RCAN2: variants seen among roughly 807,000 people sequenced by gnomAD.
The protein encoded by RCAN2 is calcipressin-2.
RCAN2 carries 9 observed loss-of-function variants against 23.6 expected under a neutral mutation model. The observed-to-expected ratio is 0.38, with a 90% CI of 0.23 to 0.67. The LOEUF is 0.67. Among genes scored for constraint, RCAN2 ranks in the 30% least tolerant of loss-of-function variants. The pLI, the probability that RCAN2 is intolerant of heterozygous loss-of-function variation, is 0.51. For missense variants in RCAN2, 273 were observed against 302.3 expected (o/e 0.90, Z 0.72); for synonymous variants, 109 against 115.7 (o/e 0.94, Z 0.37).
intron 2 of RCAN2, among the ~76,000 whole-genome samples, chr6:46,265,881 C>T (rs1767310382): frequency 6.6e-6 from 1 of 152,164 alleles, no homozygotes; most frequent in Admixed American, 6.5e-5. Flanking sequence ...ACTCTTGGTA[C>T]TCCTGTAGCA....
intron 2 of RCAN2, among the ~76,000 whole-genome samples, chr6:46,401,902 C>G (rs1292874309): frequency 6.6e-6 from 1 of 152,138 alleles, no homozygotes; most frequent in Non-Finnish European, 1.5e-5. Flanking sequence ...CAACAGGACA[C>G]TTGTGAAAGA....
intron 2 of RCAN2, among the ~76,000 whole-genome samples, chr6:46,368,614 C>T (rs1765241676): frequency 6.6e-6 from 1 of 152,174 alleles, no homozygotes; most frequent in Non-Finnish European, 1.5e-5. Flanking sequence ...CTACTGAATA[C>T]TGTAGGCAAT....
At chr6:46,473,934 A>C (rs1768637960) in intron 1 of RCAN2, among the ~76,000 whole-genome samples, 1 of 152,230 alleles carries the variant, frequency 6.6e-6, no homozygotes, top group African/African-American at 2.4e-5. Flanking sequence ...CATATTGAGA[A>C]GCTACTATGT....
At chr6:46,292,134 C>T (rs1028528220) in intron 2 of RCAN2, among the ~76,000 whole-genome samples, 1 of 152,138 alleles carries the variant, frequency 6.6e-6, no homozygotes, top group Non-Finnish European at 1.5e-5. Flanking sequence ...GTAACACCAA[C>T]CTCAGTTCTT....
At chr6:46,489,121 C>G (rs931585153) in intron 1 of RCAN2, among the ~76,000 whole-genome samples, 1 of 152,202 alleles carries the variant, frequency 6.6e-6, no homozygotes, top group Non-Finnish European at 1.5e-5. Flanking sequence ...TGAATGTGAC[C>G]TTTCTGCCAT....
At chr6:46,457,298 A>C (rs1768068726) in intron 1 of RCAN2, among the ~76,000 whole-genome samples, 1 of 152,242 alleles carries the variant, frequency 6.6e-6, no homozygotes. Context: ...AGTTCCAGGC[A>C]CTATTCTAAA....
intron 2 of RCAN2, among the ~76,000 whole-genome samples, chr6:46,369,969 G>C (rs1454347930): frequency 6.6e-6 from 1 of 152,128 alleles, no homozygotes; most frequent in Non-Finnish European, 1.5e-5. Flanking sequence ...GCAATCAGGA[G>C]GGCTTGGAGG....
intron 2 of RCAN2, among the ~76,000 whole-genome samples, chr6:46,437,243 GC>G (rs1416646190): frequency 1.3e-5 from 2 of 152,092 alleles, no homozygotes; most frequent in Non-Finnish European, 2.9e-5. Flanking sequence ...CCTTTTTAAT[GC>G]CCTGCCATCA....
intron 2 of RCAN2, among the ~76,000 whole-genome samples, chr6:46,276,976 T>C (rs1010659209): frequency 3.3e-5 from 5 of 152,334 alleles, no homozygotes; most frequent in Admixed American, 2.6e-4. Context: ...CTTAAGCAGA[T>C]ACCATCAGTA....
rs184805646 is a variant in RCAN2, at chr6:46,442,489, T to C, written c.225+14263A>G. ...AGTCACTTCCTTTCCCCAGGCAGTA[T>C]GCCTTAAGACTGCTTCTGCTCATTT... On this transcript the variant is annotated intron_variant, in intron 2 of 4. Coordinates refer to ENST00000371374, the MANE Select transcript of RCAN2 (RefSeq NM_001251974.2). 2.6e-5 allele frequency among the ~76,000 whole-genome samples: 4 copies of C among 152,338 alleles called. No homozygotes were observed. In the East Asian group the frequency reaches 7.7e-4, roughly 29 times the overall value.
At chr6:46,335,943 C>T (rs1160849982) in intron 2 of RCAN2, among the ~76,000 whole-genome samples, 1 of 152,074 alleles carries the variant, frequency 6.6e-6, no homozygotes, top group Admixed American at 6.6e-5. Flanking sequence ...CACCATAGGC[C>T]CCATTTAGAG....
chr6:46,252,575 A>G (rs1292426816), intron 2 of RCAN2, among the ~76,000 whole-genome samples: 10 of 152,128 alleles, frequency 6.6e-5, no homozygotes, highest in Admixed American at 5.9e-4. Flanking sequence ...CAACTGAGAA[A>G]CTTGAAAATA....
At chr6:46,351,620 C>T (rs1764648515) in intron 2 of RCAN2, among the ~76,000 whole-genome samples, 3 of 152,274 alleles carry the variant, frequency 2.0e-5, no homozygotes, top group South Asian at 4.1e-4. Context: ...CACACATCAT[C>T]AAACTGGCAA....
intron 2 of RCAN2, among the ~76,000 whole-genome samples, chr6:46,455,140 C>T (rs374491899): frequency 3.3e-5 from 5 of 152,188 alleles, no homozygotes; most frequent in Admixed American, 3.3e-4. Context: ...AGAAAATTAT[C>T]ATTTGTGATA....
At chr6:46,297,898 A>G (rs577280132) in intron 2 of RCAN2, among the ~76,000 whole-genome samples, 2 of 152,262 alleles carry the variant, frequency 1.3e-5, no homozygotes, top group East Asian at 3.9e-4. Flanking sequence ...AAGGAAAAGA[A>G]CAAATAGTCT....
chr6:46,248,914 A>G lies in RCAN2; in HGVS notation c.226-18T>C. ...AATTTTTCCTGATAAAAACAAACAC[A>G]GAGGAAAATCCATTGGCCATGGCAT... On this transcript the variant is annotated intron_variant, in intron 2 of 4. Coordinates refer to ENST00000371374, the MANE Select transcript of RCAN2 (RefSeq NM_001251974.2). 2 of 1,592,616 alleles carry G rather than the reference A, an allele frequency of 1.3e-6. No individual in the cohort carries two copies. Among genetic ancestry groups the G allele is most frequent in the Non-Finnish European group, 1.7e-6 (2 of 1,168,752 alleles).
intron 2 of RCAN2, among the ~76,000 whole-genome samples, chr6:46,404,498 T>A (rs569711880): frequency 6.8e-4 from 103 of 152,326 alleles, no homozygotes; most frequent in Middle Eastern, 3.4e-3. Flanking sequence ...CTAGAGTACC[T>A]TACTATACGT....
chr6:46,324,572 A>C (rs1763728647), intron 2 of RCAN2, among the ~76,000 whole-genome samples: 1 of 152,252 alleles, frequency 6.6e-6, no homozygotes, highest in African/African-American at 2.4e-5. Context: ...GAACTGTTTA[A>C]ATAAGAAGCT....
intron 2 of RCAN2, among the ~76,000 whole-genome samples, chr6:46,298,348 C>A (rs545905013): frequency 6.6e-6 from 1 of 151,960 alleles, no homozygotes; most frequent in Non-Finnish European, 1.5e-5. Flanking sequence ...TATGTCAATG[C>A]TCAAAATAAA....
Sources: allele counts gnomAD v4.1 joint callset (sites outside exome capture counted in the v4.1 genomes callset), GRCh38; gene constraint gnomAD v4.1.1; transcripts MANE v1.5; gene names NCBI Gene and HGNC (gene_info 2026-07-23, HGNC 2026-07-21).